Variants in GPD1L observed in about 807,000 individuals in gnomAD.
GPD1L encodes the protein glycerol-3-phosphate dehydrogenase 1 like, also known as glycerol-3-phosphate dehydrogenase 1-like protein.
Under a neutral mutation model 32.9 loss-of-function variants are expected in GPD1L, and 17 were observed. The ratio of observed to expected loss-of-function variants is 0.52; its 90% CI spans 0.35 to 0.78. The LOEUF is 0.78. Among genes scored for constraint, GPD1L ranks in the 30% least tolerant of loss-of-function variants. The pLI is 0.01. For missense variants in GPD1L, 361 were observed against 447.8 expected, an observed-to-expected ratio of 0.81 and a Z score of 1.75; for synonymous variants, 187 against 165.9, an observed-to-expected ratio of 1.13 and a Z score of -0.98.
At chr3:32,133,044 A>G (rs1700608862) in intron 2 of GPD1L, among the ~76,000 whole-genome samples, 1 of 152,194 alleles carries the variant, frequency 6.6e-6, no homozygotes, top group Non-Finnish European at 1.5e-5. Flanking sequence ...CAAGTATGAC[A>G]CTGCTATGTG....
In GPD1L at chr3:32,159,627, T is replaced by C; in HGVS notation, c.912T>C (p.Thr304=). ...LNGQKLQGPQ[T]SAEVYRILKQ... ...GGCAAAAGCTCCAAGGACCGCAGAC[T>C]TCTGCTGAAGTGTACCGCATCCTCA... The change falls in exon 7 of 8, where the codon ACT becomes ACC. Residue 304 remains threonine, a synonymous_variant. Coordinates refer to ENST00000282541, the MANE Select transcript of GPD1L (RefSeq NM_015141.4). The C allele has an allele frequency of 6.2e-7, 1 of 1,613,300 alleles. No individual in the cohort carries two copies. The highest frequency in any genetic ancestry group is 8.5e-7 in the Non-Finnish European group (1 of 1,179,460).
intron 1 of GPD1L, among the ~76,000 whole-genome samples, chr3:32,116,168 T>C (rs1700330642): frequency 6.6e-6 from 1 of 152,184 alleles, no homozygotes; most frequent in Non-Finnish European, 1.5e-5. Flanking sequence ...TACTCCATGG[T>C]TCTCCATTGT....
chr3:32,146,642 G>A lies in GPD1L; in HGVS notation c.526G>A (p.Gly176Ser), dbSNP rs1443878552. 4.3e-6 allele frequency: 7 copies of A among 1,610,616 alleles called. No homozygotes were observed. Among genetic ancestry groups the A allele is most frequent in the African/African-American group, 1.3e-5 (1 of 74,824 alleles). ...AACAGGCAGCAAAGTAATGGAGAAC[G>A]GCCTTCTCTTCAAAGAACTTCTGCA... ...TTIGSKVMEN[G>S]LLFKELLQTP... is the part of the protein sequence containing the mutation. Residue 176 changes from glycine (G) to serine (S), a missense_variant, in exon 5 of 8, where the codon GGC becomes AGC. Transcript: ENST00000282541.
At chr3:32,115,696 G>A (rs1273557420) in intron 1 of GPD1L, among the ~76,000 whole-genome samples, 1 of 142,676 alleles carries the variant, frequency 7.0e-6, no homozygotes, top group Non-Finnish European at 1.5e-5. Context: ...AGTAATTCAT[G>A]TAGCTACCTC....
Position 32,106,689 on chromosome 3 carries a change from A to C in GPD1L, c.-23A>C. On this transcript the variant is annotated 5_prime_UTR_variant, in exon 1 of 8. Coordinates refer to ENST00000282541, the MANE Select transcript of GPD1L (RefSeq NM_015141.4). This position sits in a 1 kb window ranked among gnomAD's most constrained non-coding sequence, Gnocchi z 4.0. ...GCAGCCGGCCAGGGAAGCACGGTCC[A>C]GGCGGCTACATTCGGCCCGGCCATG... The C allele has an allele frequency of 6.4e-7, 1 of 1,552,026 alleles. No individual in the cohort carries two copies. Among genetic ancestry groups the C allele is most frequent in the Admixed American group, 1.9e-5 (1 of 53,248 alleles).
intron 4 of GPD1L, 65 bp from the exon 5 acceptor site, chr3:32,146,557 T>C: frequency 1.2e-6 from 1 of 867,924 alleles, no homozygotes; most frequent in Non-Finnish European, 2.0e-6. Flanking sequence ...TTTTAAAGTG[T>C]ATTAGGTGTG....
chr3:32,124,545 C>A (rs80352129), intron 1 of GPD1L, among the ~76,000 whole-genome samples: 4,518 of 152,280 alleles, frequency 0.03, 212 homozygotes, highest in African/African-American at 0.1. Context: ...TCCAGAGGCA[C>A]AAAGGAATTT....
At chr3:32,108,999 G>A (rs149631509) in intron 1 of GPD1L, among the ~76,000 whole-genome samples, 9,348 of 152,194 alleles carry the variant, frequency 0.061, 390 homozygotes, top group African/African-American at 0.11. Flanking sequence ...ACAGGCATCC[G>A]CCACCATGCC....
chr3:32,135,852 T>TA (rs2125483523), intron 2 of GPD1L, among the ~76,000 whole-genome samples: 1 of 152,188 alleles, frequency 6.6e-6, no homozygotes, highest in East Asian at 1.9e-4. Flanking sequence ...TGGATTTTTT[T>TA]AATAAATCTT....
intron 7 of GPD1L, among the ~76,000 whole-genome samples, chr3:32,163,019 A>G (rs1445891438): frequency 8.0e-6 from 1 of 124,378 alleles, no homozygotes; most frequent in East Asian, 3.1e-4. Flanking sequence ...TTGGCTTCCC[A>G]AAGTGCTGGA....
intron 5 of GPD1L, among the ~76,000 whole-genome samples, chr3:32,155,903 C>T (rs1024963173): frequency 6.6e-6 from 1 of 152,158 alleles, no homozygotes; most frequent in African/African-American, 2.4e-5. Context: ...GATGTCAGTG[C>T]CGTGTACCGC....
intron 1 of GPD1L, among the ~76,000 whole-genome samples, chr3:32,118,457 G>A (rs1349643364): frequency 6.6e-6 from 1 of 152,070 alleles, no homozygotes; most frequent in Non-Finnish European, 1.5e-5. Flanking sequence ...TTTCTAACAC[G>A]CTCTCAGGGA....
At position 32,134,213 on chromosome 3, in the gene GPD1L, A is replaced by G. The variant is rs74968993; in HGVS notation, c.226-4374A>G. ...TTTTATTCTGAAAGATGAGATTCAC[A>G]TGATCTCATTAGCTGATAAGAACTT... On this transcript the variant is annotated intron_variant, in intron 2 of 7. Coordinates refer to ENST00000282541, the MANE Select transcript of GPD1L (RefSeq NM_015141.4). Among the ~76,000 whole-genome samples the G allele has an allele frequency of 3.0e-3, 458 of 152,344 alleles. 6 individuals carry two copies. The highest frequency in any genetic ancestry group is 0.01 in the African/African-American group (433 of 41,578).
At chr3:32,122,423 A>G (rs1452975963) in intron 1 of GPD1L, among the ~76,000 whole-genome samples, 1 of 152,192 alleles carries the variant, frequency 6.6e-6, no homozygotes, top group East Asian at 1.9e-4. Context: ...GGGCTGTAAT[A>G]AAGATTTTTT....
chr3:32,148,824 A>T (rs1700870800), intron 5 of GPD1L, among the ~76,000 whole-genome samples: 1 of 152,204 alleles, frequency 6.6e-6, no homozygotes. Flanking sequence ...TCACATAAAT[A>T]ACAGTGATGG....
chr3:32,145,183 G>A (rs1225012218), intron 4 of GPD1L, among the ~76,000 whole-genome samples: 1 of 152,008 alleles, frequency 6.6e-6, no homozygotes. Flanking sequence ...GCCGAGTATG[G>A]TGGCGCATGC....
At chr3:32,144,552 G>A (rs1700792359) in intron 4 of GPD1L, among the ~76,000 whole-genome samples, 1 of 152,148 alleles carries the variant, frequency 6.6e-6, no homozygotes, top group East Asian at 1.9e-4. Context: ...GACAGAGAAA[G>A]GGGATTTTCC....
chr3:32,120,188 C>T (rs1162310814), intron 1 of GPD1L, among the ~76,000 whole-genome samples: 6 of 151,954 alleles, frequency 3.9e-5, no homozygotes, highest in Admixed American at 1.3e-4. Context: ...TGTGGTGGCG[C>T]GTGCCTGTAG....
At chr3:32,122,805 G>T (rs1338727347) in intron 1 of GPD1L, among the ~76,000 whole-genome samples, 1 of 152,172 alleles carries the variant, frequency 6.6e-6, no homozygotes, top group Non-Finnish European at 1.5e-5. Flanking sequence ...TTTGGGTAGG[G>T]TTAAACACAT....
Sources: allele counts gnomAD v4.1 joint callset (sites outside exome capture counted in the v4.1 genomes callset), GRCh38; gene constraint gnomAD v4.1.1; non-coding constraint Gnocchi (gnomAD v3.1); transcripts MANE v1.5; gene names NCBI Gene and HGNC (gene_info 2026-07-23, HGNC 2026-07-21).